The following HAO1 variants were observed in gnomAD, a reference collection of about 807,000 sequenced individuals.
HAO1 encodes hydroxyacid oxidase 1.
Under a neutral mutation model 39.7 loss-of-function variants are expected in HAO1, and 34 were observed. That is an observed-to-expected ratio of 0.86 (90% CI 0.65 to 1.14). HAO1 has a LOEUF of 1.14. Ranked by LOEUF, HAO1 falls within the 50% of genes most tolerant of loss-of-function variation. The pLI is 0.00. For synonymous variants in HAO1, 172 were observed against 173.2 expected (o/e 0.99, Z 0.05); for missense variants, 479 against 464.5 (o/e 1.03, Z -0.29).
At chr20:7,917,620 TC>T (rs1207105206) in intron 2 of HAO1, among the ~76,000 whole-genome samples, 6 of 152,074 alleles carry the variant, frequency 3.9e-5, no homozygotes, top group African/African-American at 1.4e-4. Flanking sequence ...AGTGGGAAGG[TC>T]CTCCGTACAC....
rs781608203 is a variant in HAO1, at chr20:7,883,553, C to A, written c.*40G>T. On this transcript the variant is annotated 3_prime_UTR_variant, in exon 8 of 8. Transcript: ENST00000378789. ...GTGTCTCTTTGTCAAGTAATACATG[C>A]TGAAAAAAAATAATACAGATGGGAA... is the stretch of plus-strand genomic sequence containing the variant. 4.7e-6 allele frequency: 7 copies of A among 1,484,364 alleles called. No individual in the cohort carries two copies. Among genetic ancestry groups the A allele is most frequent in the African/African-American group, 1.4e-5 (1 of 72,464 alleles). 91.9% of individuals were successfully genotyped at this position (1,484,364 alleles called of 1,614,324 possible).
At chr20:7,909,379 G>A (rs7266199) in intron 3 of HAO1, among the ~76,000 whole-genome samples, 35,395 of 105,642 alleles carry the variant, frequency 0.34, 6,702 homozygotes, top group East Asian at 0.85. Flanking sequence ...ATATATATAT[G>A]TATATATATA....
intron 3 of HAO1, among the ~76,000 whole-genome samples, chr20:7,909,379 G>GTA (rs869068490): frequency 0.086 from 9,323 of 108,074 alleles, 482 homozygotes; most frequent in Middle Eastern, 0.15. Flanking sequence ...ATATATATAT[G>GTA]TATATATATA....
chr20:7,937,319 T>C (rs2050417502), intron 1 of HAO1, among the ~76,000 whole-genome samples: 1 of 152,148 alleles, frequency 6.6e-6, no homozygotes, highest in Non-Finnish European at 1.5e-5. Flanking sequence ...TGTGTAATCC[T>C]ATAATACTGC....
chr20:7,887,546 C>T (rs2122747834), intron 5 of HAO1, among the ~76,000 whole-genome samples: 1 of 152,292 alleles, frequency 6.6e-6, no homozygotes, highest in South Asian at 2.1e-4. Context: ...GATCTATTTA[C>T]ATATGTCCCT....
chr20:7,884,851 C>T lies in HAO1; in HGVS notation c.1042+670G>A, dbSNP rs537168659. Among the ~76,000 whole-genome samples, 71 of 152,134 alleles carry T rather than the reference C, an allele frequency of 4.7e-4. 1 individual carries two copies. The highest frequency in any genetic ancestry group is 4.4e-3 in the Admixed American group (67 of 15,266). The stretch of plus-strand genomic sequence containing the variant: ...GATCTCAATGAATGTTTAAAAGAAC[C>T]GTTCTGGCCGCCATGATCAGAACAG... On this transcript the variant is annotated intron_variant, in intron 7 of 7. Transcript: ENST00000378789.
intron 1 of HAO1, among the ~76,000 whole-genome samples, chr20:7,937,225 A>G (rs1167852882): frequency 6.6e-6 from 1 of 152,164 alleles, no homozygotes; most frequent in East Asian, 1.9e-4. Context: ...TTGAAGGAAG[A>G]CACCCATGCC....
At chr20:7,933,905 T>C (rs2122799708) in intron 2 of HAO1, among the ~76,000 whole-genome samples, 1 of 152,330 alleles carries the variant, frequency 6.6e-6, no homozygotes, top group Non-Finnish European at 1.5e-5. Flanking sequence ...ACTGCTCTAT[T>C]GGGAATATAA....
intron 5 of HAO1, among the ~76,000 whole-genome samples, chr20:7,894,559 G>A (rs1350681309): frequency 1.3e-5 from 2 of 152,268 alleles, no homozygotes; most frequent in East Asian, 1.9e-4. Flanking sequence ...CAGCCAAGGT[G>A]GTTCACAACT....
rs2050401886 is a variant in HAO1, at chr20:7,934,635, T to C, written c.138A>G (p.Arg46=). The C allele has an allele frequency of 1.3e-6, 2 of 1,572,276 alleles. No individual in the cohort carries two copies. The highest frequency in any genetic ancestry group is 4.6e-5 in the East Asian group (2 of 43,924). The change falls in exon 2 of 8, where the codon AGA becomes AGG. Residue 46 remains arginine (R), a splice_region_variant and synonymous_variant. Transcript: ENST00000378789. ...GGAGCATCCTTGGATACAGCTTCCA[T>C]CTAGAATTAAAAAATAAAATAAAAT... is the stretch of plus-strand genomic sequence containing the variant. ...TLADNIAAFS[R]WKLYPRMLRN...
chr20:7,901,370 AGAG>A (rs1173989119), intron 4 of HAO1, among the ~76,000 whole-genome samples: 2 of 152,306 alleles, frequency 1.3e-5, no homozygotes, highest in Non-Finnish European at 1.5e-5. Context: ...TCATAGCTAG[AGAG>A]GAGAAGTCTA....
At chr20:7,888,143 C>T (rs893386231) in intron 5 of HAO1, among the ~76,000 whole-genome samples, 2 of 152,042 alleles carry the variant, frequency 1.3e-5, no homozygotes, top group African/African-American at 4.8e-5. Context: ...TGGTAAGATC[C>T]CTGTATACTG....
intron 2 of HAO1, among the ~76,000 whole-genome samples, chr20:7,917,758 C>G (rs965151633): frequency 5.9e-5 from 9 of 152,182 alleles, no homozygotes; most frequent in Admixed American, 2.6e-4. Context: ...ATAGGAACAT[C>G]AAAATCCACA....
In HAO1 at chr20:7,904,402, G is replaced by T. The variant is rs2294302; in HGVS notation, c.721+1752C>A. On this transcript the variant is annotated intron_variant, in intron 4 of 7. Transcript: ENST00000378789. ...TTGCTTCTCTGATCAAGACACTTCA[G>T]TGGTTCTCAGCCACTTTAAAGTCTA... Among the ~76,000 whole-genome samples, 106 of 152,304 alleles carry T rather than the reference G, an allele frequency of 7.0e-4. 1 individual carries two copies. In the East Asian group the frequency reaches 0.02, roughly 29 times the overall value.
chr20:7,899,069 G>T (rs2050210039), intron 4 of HAO1, among the ~76,000 whole-genome samples: 1 of 152,004 alleles, frequency 6.6e-6, no homozygotes, highest in South Asian at 2.1e-4. Flanking sequence ...GCTACAACCT[G>T]CATTATGAGA....
chr20:7,914,211 G>T lies in HAO1; in HGVS notation c.498C>A (p.Asn166Lys). Residue 166 changes from asparagine (N) to lysine (K), a missense_variant, in exon 3 of 8, where the codon AAC (asparagine) becomes AAA (lysine). Coordinates refer to ENST00000378789, the MANE Select transcript of HAO1 (RefSeq NM_017545.3). ...ATCTGTTACGCACATCATCCAGACG[G>T]TTGCCCAGGTAAGGTGTGTCCACTG... is the stretch of plus-strand genomic sequence containing the variant. ...FVTVDTPYLG[N>K]RLDDVRNRFK... 6.2e-7 allele frequency: 1 copy of T among 1,614,038 alleles called. No homozygotes were observed. The highest frequency in any genetic ancestry group is 8.5e-7 in the Non-Finnish European group (1 of 1,179,974).
At chr20:7,895,901 A>G (rs1327142301) in intron 4 of HAO1, among the ~76,000 whole-genome samples, 1 of 151,678 alleles carries the variant, frequency 6.6e-6, no homozygotes, top group Non-Finnish European at 1.5e-5. Context: ...CAAAAAAACA[A>G]AAACAAAAAC....
intron 2 of HAO1, among the ~76,000 whole-genome samples, chr20:7,925,202 T>A (rs2050353662): frequency 6.6e-6 from 1 of 152,186 alleles, no homozygotes; most frequent in African/African-American, 2.4e-5. Context: ...CAACTACAAT[T>A]ATGCTTGAAA....
intron 4 of HAO1, among the ~76,000 whole-genome samples, chr20:7,899,707 G>A (rs2050213079): frequency 6.6e-6 from 1 of 152,210 alleles, no homozygotes; most frequent in South Asian, 2.1e-4. Context: ...AGCTGCTTAT[G>A]CAGCCTCGTC....
Sources: gnomAD v4.1 joint callset for allele counts (sites outside exome capture counted in the v4.1 genomes callset) on GRCh38, gnomAD v4.1.1 for gene constraint, MANE v1.5 for transcripts, NCBI Gene and HGNC (gene_info 2026-07-23, HGNC 2026-07-21) for gene names.